Variants in CELF2 observed in about 807,000 individuals in gnomAD.
CELF2 encodes the protein CUGBP Elav-like family member 2.
A neutral mutation model predicts 62.6 loss-of-function variants in CELF2; 8 were observed. That is an observed-to-expected ratio of 0.13 (90% CI 0.07 to 0.23). The LOEUF is 0.23. Ranked by LOEUF, CELF2 falls within the 10% of genes least tolerant of loss-of-function variation. The pLI is 1.00. For missense variants in CELF2, 333 were observed against 671.0 expected, an observed-to-expected ratio of 0.50 and a Z score of 5.56; for synonymous variants, 258 against 250.0, an observed-to-expected ratio of 1.03 and a Z score of -0.30.
intron 1 of CELF2, among the ~76,000 whole-genome samples, chr10:11,085,419 C>A (rs546698174): frequency 6.6e-6 from 1 of 152,262 alleles, no homozygotes; most frequent in Admixed American, 6.5e-5. Flanking sequence ...TATTAGAACA[C>A]CGTGAATGAA....
chr10:10,682,440 T>G, the CELF2 span, among the ~76,000 whole-genome samples: 2 of 152,212 alleles, frequency 1.3e-5, no homozygotes, highest in Non-Finnish European at 2.9e-5. Context: ...ATTACTTCTA[T>G]TTTCTTCATA....
chr10:10,723,955 C>A, the CELF2 span, among the ~76,000 whole-genome samples: 2 of 151,980 alleles, frequency 1.3e-5, no homozygotes, highest in Non-Finnish European at 2.9e-5. Flanking sequence ...TCCAATGTAC[C>A]AGTAATCTTT....
the CELF2 span, among the ~76,000 whole-genome samples, chr10:10,471,905 C>T: frequency 6.6e-6 from 1 of 151,694 alleles, no homozygotes; most frequent in African/African-American, 2.4e-5. Context: ...AAATGTGTAG[C>T]CATTTGCTTT....
At chr10:10,849,451 T>C (rs946402771) in intron 1 of CELF2, among the ~76,000 whole-genome samples, 1 of 151,646 alleles carries the variant, frequency 6.6e-6, no homozygotes, top group African/African-American at 2.4e-5. Context: ...ATACAAAGAA[T>C]ACTATACACT....
chr10:11,259,498 A>AT (rs1343458081), intron 5 of CELF2, among the ~76,000 whole-genome samples: 1 of 151,868 alleles, frequency 6.6e-6, no homozygotes, highest in African/African-American at 2.4e-5. Flanking sequence ...AAATTTTGTT[A>AT]TATAACACTC....
chr10:10,961,943 T>A (rs1440974603), intron 2 of CELF2, among the ~76,000 whole-genome samples: 1 of 151,952 alleles, frequency 6.6e-6, no homozygotes, highest in Non-Finnish European at 1.5e-5. Context: ...GGCTGTCCTC[T>A]TACAGCCAGG....
intron 1 of CELF2, among the ~76,000 whole-genome samples, chr10:11,049,200 G>A (rs1227981860): frequency 2.0e-5 from 3 of 146,416 alleles, no homozygotes; most frequent in Admixed American, 1.4e-4. Context: ...AGCTGCACTT[G>A]TTAGTATGCC....
intron 1 of CELF2, among the ~76,000 whole-genome samples, chr10:11,035,158 C>T (rs1447108152): frequency 6.6e-6 from 1 of 152,100 alleles, no homozygotes; most frequent in Non-Finnish European, 1.5e-5. Flanking sequence ...TGGGATTAAC[C>T]CAAACTTTTC....
chr10:10,805,261 C>A (rs764752045), intron 1 of CELF2, among the ~76,000 whole-genome samples: 1 of 152,124 alleles, frequency 6.6e-6, no homozygotes, highest in African/African-American at 2.4e-5. Context: ...GTATTGCTAA[C>A]CCTGAGCTAG....
the CELF2 span, among the ~76,000 whole-genome samples, chr10:10,513,157 T>A: frequency 6.6e-6 from 1 of 152,228 alleles, no homozygotes; most frequent in African/African-American, 2.4e-5. Flanking sequence ...AACTTCTGTG[T>A]ACCTTAGTAG....
chr10:11,079,519 T>C (rs1228006011), intron 1 of CELF2, among the ~76,000 whole-genome samples: 1 of 152,154 alleles, frequency 6.6e-6, no homozygotes, highest in Non-Finnish European at 1.5e-5. Flanking sequence ...GCTGTTGTTG[T>C]GATAGTGAGT....
chr10:10,545,030 C>T, the CELF2 span, among the ~76,000 whole-genome samples: 5 of 152,164 alleles, frequency 3.3e-5, no homozygotes. Flanking sequence ...GTAATACACA[C>T]CTCTCAGTGG....
the CELF2 span, among the ~76,000 whole-genome samples, chr10:10,523,503 G>C: frequency 6.6e-6 from 1 of 152,202 alleles, no homozygotes; most frequent in South Asian, 2.1e-4. Context: ...ATTATGACTG[G>C]GGAGGTGGTG....
chr10:10,514,637 GGC>G, the CELF2 span, among the ~76,000 whole-genome samples: 6 of 152,128 alleles, frequency 3.9e-5, no homozygotes, highest in African/African-American at 1.4e-4. Flanking sequence ...ATTCAGACGT[GGC>G]AAGAAGAACG....
At chr10:10,631,401 C>A in the CELF2 span, among the ~76,000 whole-genome samples, 99 of 152,308 alleles carry the variant, frequency 6.5e-4, no homozygotes, top group Non-Finnish European at 1.3e-3. Context: ...CCAGAAACCA[C>A]ACTTCAAAGC....
At chr10:10,866,569 C>A (rs1411733749) in intron 1 of CELF2, among the ~76,000 whole-genome samples, 1 of 141,284 alleles carries the variant, frequency 7.1e-6, no homozygotes, top group Non-Finnish European at 1.5e-5. Flanking sequence ...CGTGCCACTG[C>A]ACTCCAGTCT....
chr10:10,728,804 T>TTC, the CELF2 span, among the ~76,000 whole-genome samples: 6 of 151,834 alleles, frequency 4.0e-5, no homozygotes, highest in African/African-American at 1.2e-4. Flanking sequence ...GTAGATTTCT[T>TTC]TCTCTCTCTC....
At chr10:10,647,558 A>G in the CELF2 span, among the ~76,000 whole-genome samples, 5 of 152,242 alleles carry the variant, frequency 3.3e-5, no homozygotes, top group Non-Finnish European at 7.3e-5. Context: ...ACGACAGATC[A>G]TTAACAGCAC....
At chr10:11,263,206 T>G (rs1043557658) in intron 5 of CELF2, among the ~76,000 whole-genome samples, 1 of 152,116 alleles carries the variant, frequency 6.6e-6, no homozygotes, top group Non-Finnish European at 1.5e-5. Context: ...GTAACCTCAC[T>G]GAAATGAGAG....
Sources: gnomAD v4.1 joint callset for allele counts (sites outside exome capture counted in the v4.1 genomes callset) on GRCh38, gnomAD v4.1.1 for gene constraint, MANE v1.5 for transcripts, NCBI Gene and HGNC (gene_info 2026-07-23, HGNC 2026-07-21) for gene names.